NOVA1: variants seen among roughly 807,000 people sequenced by gnomAD.
NOVA1 encodes the protein RNA-binding protein Nova-1.
A neutral mutation model predicts 38.0 loss-of-function variants in NOVA1; 7 were observed. The ratio of observed to expected loss-of-function variants is 0.18; its 90% CI spans 0.10 to 0.35. NOVA1 has a LOEUF of 0.35. Ranked by LOEUF, NOVA1 falls within the 10% of genes least tolerant of loss-of-function variation. The probability of loss-of-function intolerance (pLI) is 1.00; values close to 1 mark genes in which losing one functional copy is unlikely to be tolerated. For synonymous variants in NOVA1, 270 were observed against 232.5 expected (o/e 1.16, Z -1.47); for missense variants, 460 against 616.0 (o/e 0.75, Z 2.68).
At chr14:26,570,015 A>G (rs1300902192) in intron 2 of NOVA1, among the ~76,000 whole-genome samples, 2 of 152,168 alleles carry the variant, frequency 1.3e-5, no homozygotes, top group African/African-American at 4.8e-5. Context: ...AATGCTAAGA[A>G]AGTTAATAGA....
rs769758319 is a variant in NOVA1 at position 26,448,544 on chromosome 14, C to T, written c.939G>A (p.Val313=). The T allele has an allele frequency of 8.1e-6, 13 of 1,614,060 alleles. No individual in the cohort carries two copies. The highest frequency in any genetic ancestry group is 5.5e-5 in the South Asian group (5 of 91,082). The part of the protein sequence containing the change: ...VLSGFTGNDL[V]AITSALNTLA... ...ATGTATTAAGTGCAGAGGTGATGGC[C>T]ACCAGGTCATTGCCTGTGAAGCCAG... is the stretch of plus-strand genomic sequence containing the variant. Residue 313 remains valine (V), a synonymous_variant, in exon 5 of 5, where the codon GTG becomes GTA. Coordinates refer to ENST00000539517, the MANE Select transcript of NOVA1 (RefSeq NM_002515.3). This position sits in a 1 kb window ranked among gnomAD's most constrained non-coding sequence, Gnocchi z 5.3.
At chr14:26,488,936 G>A (rs966230200) in intron 2 of NOVA1, among the ~76,000 whole-genome samples, 56 of 152,046 alleles carry the variant, frequency 3.7e-4, no homozygotes, top group Admixed American at 1.2e-3. Context: ...TGTCCCAGCT[G>A]GGAAAACAGT....
At chr14:26,459,162 T>C (rs928356558) in intron 4 of NOVA1, among the ~76,000 whole-genome samples, 6 of 152,074 alleles carry the variant, frequency 3.9e-5, no homozygotes, top group African/African-American at 7.2e-5. Context: ...ATTCTATTCA[T>C]GGTTAGTTCC....
intron 2 of NOVA1, among the ~76,000 whole-genome samples, chr14:26,500,286 ATACT>A (rs1887153830): frequency 6.6e-6 from 1 of 152,118 alleles, no homozygotes; most frequent in African/African-American, 2.4e-5. Flanking sequence ...TATGTGTCAA[ATACT>A]TACTAAATAT....
chr14:26,567,202 T>G (rs1025482612), intron 2 of NOVA1, among the ~76,000 whole-genome samples: 3 of 152,010 alleles, frequency 2.0e-5, no homozygotes, highest in Non-Finnish European at 4.4e-5. Flanking sequence ...TATAATCAAA[T>G]TTAATTGTAA....
At chr14:26,451,276 T>C (rs1364167006) in intron 4 of NOVA1, among the ~76,000 whole-genome samples, 4 of 152,170 alleles carry the variant, frequency 2.6e-5, no homozygotes, top group Non-Finnish European at 5.9e-5. Context: ...GCATTGCACT[T>C]ACATTATTGA....
intron 2 of NOVA1, among the ~76,000 whole-genome samples, chr14:26,591,273 T>C (rs905082489): frequency 2.0e-5 from 3 of 151,672 alleles, no homozygotes; most frequent in Non-Finnish European, 3.0e-5. Context: ...ACCCTAACAA[T>C]AGGTAGTGTG....
chr14:26,580,827 C>A (rs767315340), intron 2 of NOVA1, among the ~76,000 whole-genome samples: 7 of 151,954 alleles, frequency 4.6e-5, no homozygotes, highest in Non-Finnish European at 8.8e-5. Context: ...AAAAACACTT[C>A]AATTGTTAAA....
At chr14:26,491,562 G>A (rs1230361282) in intron 2 of NOVA1, among the ~76,000 whole-genome samples, 1 of 151,992 alleles carries the variant, frequency 6.6e-6, no homozygotes, top group Non-Finnish European at 1.5e-5. Flanking sequence ...TCCTTCTACA[G>A]TTTTATGGTT....
At chr14:26,488,754 TAATA>T (rs1432945084) in intron 2 of NOVA1, among the ~76,000 whole-genome samples, 12 of 152,288 alleles carry the variant, frequency 7.9e-5, no homozygotes, top group East Asian at 7.7e-4. Context: ...TATATGTACA[TAATA>T]AATAGAGATT....
chr14:26,564,793 T>A (rs1426095522), intron 2 of NOVA1, among the ~76,000 whole-genome samples: 1 of 152,292 alleles, frequency 6.6e-6, no homozygotes, highest in Non-Finnish European at 1.5e-5. Context: ...TTAAGGACTT[T>A]TTTAGTTGTA....
chr14:26,482,416 A>G (rs1885543865), intron 2 of NOVA1, among the ~76,000 whole-genome samples: 1 of 152,082 alleles, frequency 6.6e-6, no homozygotes, highest in Non-Finnish European at 1.5e-5. Context: ...AAAACACAAA[A>G]CCGTAATTTT....
intron 2 of NOVA1, among the ~76,000 whole-genome samples, chr14:26,538,080 G>A (rs1890229724): frequency 6.6e-6 from 1 of 152,088 alleles, no homozygotes; most frequent in Non-Finnish European, 1.5e-5. Flanking sequence ...TGACATAAGA[G>A]AATCAGAAAG....
chr14:26,496,126 G>A (rs1416974567), intron 2 of NOVA1, among the ~76,000 whole-genome samples: 1 of 149,322 alleles, frequency 6.7e-6, no homozygotes, highest in African/African-American at 2.5e-5. Flanking sequence ...GTGTCAAAGT[G>A]TTCCTATTTC....
At chr14:26,591,658 T>A (rs559417422) in intron 2 of NOVA1, among the ~76,000 whole-genome samples, 32 of 151,696 alleles carry the variant, frequency 2.1e-4, no homozygotes, top group African/African-American at 7.0e-4. Flanking sequence ...TTGCAAAAAA[T>A]TATCATAATT....
At chr14:26,453,212 T>TATG (rs1566431963) in intron 4 of NOVA1, among the ~76,000 whole-genome samples, 12 of 142,728 alleles carry the variant, frequency 8.4e-5, no homozygotes, top group African/African-American at 3.3e-4. Flanking sequence ...ATGTATGTAT[T>TATG]TATTTATTTT....
chr14:26,467,982 C>T (rs567567872), intron 4 of NOVA1, among the ~76,000 whole-genome samples: 2 of 152,180 alleles, frequency 1.3e-5, no homozygotes, highest in Admixed American at 6.5e-5. Context: ...AATCTTCTCC[C>T]CTTGAGTGTG....
At chr14:26,483,581 C>T (rs759696824) in intron 2 of NOVA1, among the ~76,000 whole-genome samples, 7 of 152,022 alleles carry the variant, frequency 4.6e-5, no homozygotes, top group Non-Finnish European at 8.8e-5. Context: ...ATTAGCATGA[C>T]GAGTATGAAA....
intron 2 of NOVA1, among the ~76,000 whole-genome samples, chr14:26,484,653 T>G (rs1490233407): frequency 6.6e-6 from 1 of 152,032 alleles, no homozygotes; most frequent in Non-Finnish European, 1.5e-5. Context: ...CCAATATGGC[T>G]TTTTTTCTCC....
Sources: allele counts gnomAD v4.1 joint callset (sites outside exome capture counted in the v4.1 genomes callset), GRCh38; gene constraint gnomAD v4.1.1; non-coding constraint Gnocchi (gnomAD v3.1); transcripts MANE v1.5; gene names NCBI Gene and HGNC (gene_info 2026-07-23, HGNC 2026-07-21).